The following ATP2B2 variants were observed in gnomAD, a reference collection of about 807,000 sequenced individuals.
The protein encoded by ATP2B2 is plasma membrane calcium-transporting ATPase 2.
In ATP2B2, 15 loss-of-function variants were observed where a neutral mutation model predicts 120.0. That is an observed-to-expected ratio of 0.12 (90% CI 0.08 to 0.19). ATP2B2 has a LOEUF of 0.19. Among genes scored for constraint, ATP2B2 ranks in the 10% least tolerant of loss-of-function variants. The pLI is 1.00. For synonymous variants in ATP2B2, 694 were observed against 700.3 expected, an observed-to-expected ratio of 0.99 and a Z score of 0.14; for missense variants, 1,045 against 1,719.8, an observed-to-expected ratio of 0.61 and a Z score of 6.94.
At chr3:10,686,256 C>G (rs1166678715) in intron 1 of ATP2B2, among the ~76,000 whole-genome samples, 2 of 152,114 alleles carry the variant, frequency 1.3e-5, no homozygotes, top group Non-Finnish European at 2.9e-5. Flanking sequence ...TAGACAGTTT[C>G]CTCAAACTGA....
chr3:10,379,182 G>C (rs2061461132), intron 9 of ATP2B2, 61 bp downstream of exon 9: 2 of 1,561,162 alleles, frequency 1.3e-6, no homozygotes, highest in Admixed American at 3.4e-5. Flanking sequence ...TGGTGTGACT[G>C]TCAGAGCCGG....
At chr3:10,414,100 T>G (rs42445) in intron 2 of ATP2B2, among the ~76,000 whole-genome samples, 28,281 of 152,192 alleles carry the variant, frequency 0.19, 3,242 homozygotes, top group East Asian at 0.42. Flanking sequence ...CTGGGGTCTG[T>G]TTTCACATTT....
chr3:10,657,852 G>C (rs1390155382), intron 1 of ATP2B2, among the ~76,000 whole-genome samples: 1 of 152,266 alleles, frequency 6.6e-6, no homozygotes, highest in African/African-American at 2.4e-5. Context: ...CCTGCTAGTA[G>C]GGGCAGACTG....
chr3:10,647,641 A>C (rs1312599222), intron 1 of ATP2B2, among the ~76,000 whole-genome samples: 1 of 152,114 alleles, frequency 6.6e-6, no homozygotes. Flanking sequence ...GCCGATGGAG[A>C]GCTCTCACTT....
chr3:10,359,053 C>T (rs2060821369), intron 13 of ATP2B2, 128 bp from the exon 14 acceptor site: 13 of 896,152 alleles, frequency 1.5e-5, no homozygotes, highest in South Asian at 1.3e-4. Flanking sequence ...TCTAGTTCAT[C>T]CCCCAGGCAG....
intron 2 of ATP2B2, among the ~76,000 whole-genome samples, chr3:10,445,015 C>T (rs1012575436): frequency 3.6e-4 from 55 of 152,240 alleles, no homozygotes; most frequent in African/African-American, 1.3e-3. Context: ...GCACTAGTCG[C>T]CCATCTTTCC....
chr3:10,365,360 G>A (rs1408874994), intron 12 of ATP2B2, among the ~76,000 whole-genome samples: 1 of 152,192 alleles, frequency 6.6e-6, no homozygotes, highest in Non-Finnish European at 1.5e-5. Context: ...GACCCCAGGT[G>A]GCACGAAATT....
intron 1 of ATP2B2, among the ~76,000 whole-genome samples, chr3:10,622,587 G>C (rs1390613016): frequency 6.6e-6 from 1 of 152,136 alleles, no homozygotes; most frequent in Non-Finnish European, 1.5e-5. Flanking sequence ...AAGCAGAGCA[G>C]GCAGTGGATG....
chr3:10,437,993 A>T (rs1339118675), intron 2 of ATP2B2, among the ~76,000 whole-genome samples: 1 of 151,938 alleles, frequency 6.6e-6, no homozygotes, highest in Non-Finnish European at 1.5e-5. Context: ...CATTTAAGCC[A>T]CTCAGTCTGT....
chr3:10,485,548 G>A (rs752020846), intron 1 of ATP2B2, among the ~76,000 whole-genome samples: 2 of 152,204 alleles, frequency 1.3e-5, no homozygotes, highest in Non-Finnish European at 2.9e-5. Context: ...CCCTGCCTCC[G>A]TATGGAGCTT....
chr3:10,602,904 T>C (rs1340554829), intron 2 of ATP2B2, among the ~76,000 whole-genome samples: 1 of 152,208 alleles, frequency 6.6e-6, no homozygotes, highest in Non-Finnish European at 1.5e-5. Context: ...TCCTCCACTT[T>C]TGGGGCTGTT....
chr3:10,693,645 A>C (rs575416173), intron 1 of ATP2B2, among the ~76,000 whole-genome samples: 1 of 152,304 alleles, frequency 6.6e-6, no homozygotes, highest in African/African-American at 2.4e-5. Flanking sequence ...CTAGCAATAG[A>C]GATATGAGCC....
At chr3:10,389,595 G>A (rs1451643006) in intron 5 of ATP2B2, among the ~76,000 whole-genome samples, 1 of 152,192 alleles carries the variant, frequency 6.6e-6, no homozygotes. Flanking sequence ...GGTGCCAGGG[G>A]CTGGGGAAGG....
At chr3:10,638,301 A>T (rs949984411) in intron 1 of ATP2B2, among the ~76,000 whole-genome samples, 2 of 152,232 alleles carry the variant, frequency 1.3e-5, no homozygotes, top group Non-Finnish European at 2.9e-5. Context: ...ACAAAGAAGT[A>T]TGGTGTTTAA....
intron 1 of ATP2B2, among the ~76,000 whole-genome samples, chr3:10,633,075 G>A (rs932606911): frequency 5.9e-5 from 9 of 152,238 alleles, no homozygotes; most frequent in African/African-American, 2.2e-4. Flanking sequence ...GGGGCTGGCT[G>A]GGAACAGGGG....
At chr3:10,686,211 C>A (rs2071519485) in intron 1 of ATP2B2, among the ~76,000 whole-genome samples, 1 of 152,094 alleles carries the variant, frequency 6.6e-6, no homozygotes, top group Non-Finnish European at 1.5e-5. Flanking sequence ...TCACACTGTT[C>A]CCCACAGAAA....
At chr3:10,424,408 A>G (rs922393281) in intron 2 of ATP2B2, among the ~76,000 whole-genome samples, 1 of 152,206 alleles carries the variant, frequency 6.6e-6, no homozygotes, top group Admixed American at 6.5e-5. Flanking sequence ...GTTACTCTTG[A>G]GACAGCCTTT....
intron 12 of ATP2B2, among the ~76,000 whole-genome samples, chr3:10,361,232 C>G (rs534168028): frequency 1.3e-5 from 2 of 152,304 alleles, no homozygotes; most frequent in African/African-American, 2.4e-5. Flanking sequence ...GCAGTTTAAC[C>G]TAATGAGACT....
At chr3:10,417,493 C>T (rs191607539) in intron 2 of ATP2B2, among the ~76,000 whole-genome samples, 9 of 152,196 alleles carry the variant, frequency 5.9e-5, no homozygotes, top group African/African-American at 2.2e-4. Context: ...GTGTCCTGCA[C>T]CAGATGCCAG....
Sources: gnomAD v4.1 joint callset for allele counts (sites outside exome capture counted in the v4.1 genomes callset) on GRCh38, gnomAD v4.1.1 for gene constraint, MANE v1.5 for transcripts, NCBI Gene and HGNC (gene_info 2026-07-23, HGNC 2026-07-21) for gene names.